The following PARVA variants were observed in gnomAD, a reference collection of about 807,000 sequenced individuals.
The protein encoded by PARVA is parvin alpha.
Under a neutral mutation model 52.6 loss-of-function variants are expected in PARVA, and 25 were observed. The ratio of observed to expected loss-of-function variants is 0.48; its 90% CI spans 0.35 to 0.66. The LOEUF (loss-of-function observed/expected upper bound fraction) is 0.66, where lower values mean the gene tolerates loss of function less well. Ranked by LOEUF, PARVA falls within the 30% of genes least tolerant of loss-of-function variation. The pLI is 0.01. For missense variants in PARVA, 373 were observed against 450.9 expected (o/e 0.83, Z 1.56); for synonymous variants, 185 against 179.1 (o/e 1.03, Z -0.26).
intron 1 of PARVA, among the ~76,000 whole-genome samples, chr11:12,442,005 G>A (rs1940473135): frequency 6.6e-6 from 1 of 152,232 alleles, no homozygotes; most frequent in Non-Finnish European, 1.5e-5. Flanking sequence ...AAGGATTGTG[G>A]GGTTAGAGAG....
intron 1 of PARVA, among the ~76,000 whole-genome samples, chr11:12,468,272 A>G (rs1940882764): frequency 6.6e-6 from 1 of 152,192 alleles, no homozygotes; most frequent in Non-Finnish European, 1.5e-5. Flanking sequence ...CCAAACCTGT[A>G]TCACCAGTGC....
At position 12,531,702 on chromosome 11, in the gene PARVA, A is replaced by G. The variant is rs1053088144; in HGVS notation, c.*3777A>G. 5.9e-5 allele frequency among the ~76,000 whole-genome samples: 9 copies of G among 151,552 alleles called. No homozygotes were observed. Among genetic ancestry groups the G allele is most frequent in the African/African-American group, 2.2e-4 (9 of 41,206 alleles). Reference sequence around the variant, plus strand: ...AATACATCCTAGATAGGCAAGAGGGATATGTCCTGAAATCTTCACTAATTC... The same window carrying G: ...AATACATCCTAGATAGGCAAGAGGGGTATGTCCTGAAATCTTCACTAATTC... On this transcript the variant is annotated 3_prime_UTR_variant, in exon 13 of 13. Transcript: ENST00000334956.
At position 12,403,339 on chromosome 11, in the gene PARVA, G is replaced by T. The variant is rs554456191; in HGVS notation, c.136+25556G>T. 1.1e-3 allele frequency among the ~76,000 whole-genome samples: 173 copies of T among 152,334 alleles called. 1 individual carries two copies. The highest frequency in any genetic ancestry group is 3.7e-3 in the African/African-American group (155 of 41,586). ...AGGTCACTAGGGTGGGGAGCAACAG[G>T]TACCCTGATTAGTCCCCTAGCAGGT... On this transcript the variant is annotated intron_variant, in intron 1 of 12. Transcript: ENST00000334956.
chr11:12,457,651 A>G (rs1940716551), intron 1 of PARVA, among the ~76,000 whole-genome samples: 1 of 152,232 alleles, frequency 6.6e-6, no homozygotes, highest in Non-Finnish European at 1.5e-5. Flanking sequence ...AAGACTGCTC[A>G]GGGCCAGCAT....
Position 12,530,810 on chromosome 11 carries a change from C to T in PARVA, c.*2885C>T, listed in dbSNP as rs1941763565. The T allele has an allele frequency of 1.3e-5, 2 of 152,092 alleles. No homozygotes were observed. The highest frequency in any genetic ancestry group is 2.9e-5 in the Non-Finnish European group (2 of 68,032). The allele number at this position is 152,092 out of a possible 1,614,324, so 9.4% of individuals were successfully genotyped here. ...ACATTTTAAAATAACAATCTGAGCACTTCATAAATCCAAATGCGTATCTCC... is the reference window on the plus strand; with the variant it reads ...ACATTTTAAAATAACAATCTGAGCATTTCATAAATCCAAATGCGTATCTCC... On this transcript the variant is annotated 3_prime_UTR_variant, in exon 13 of 13. Coordinates refer to ENST00000334956, the MANE Select transcript of PARVA (RefSeq NM_018222.5).
intron 4 of PARVA, chr11:12,480,487 A>G (rs560582755): frequency 3.3e-5 from 5 of 152,272 alleles, no homozygotes; most frequent in African/African-American, 4.8e-5. Flanking sequence ...GAAACTGCCA[A>G]AATGTTCTAT....
chr11:12,430,550 T>C (rs558398246), intron 1 of PARVA, among the ~76,000 whole-genome samples: 94 of 152,292 alleles, frequency 6.2e-4, no homozygotes, highest in African/African-American at 2.1e-3. Flanking sequence ...ACACAGAGGC[T>C]CCTTTCTTTC....
At chr11:12,490,334 A>T (rs1564860801) in intron 4 of PARVA, among the ~76,000 whole-genome samples, 2 of 151,864 alleles carry the variant, frequency 1.3e-5, no homozygotes, top group Non-Finnish European at 2.9e-5. Context: ...GACTAGCCTG[A>T]TCAACATGGT....
chr11:12,522,377 A>G (rs911961616), intron 12 of PARVA, among the ~76,000 whole-genome samples: 2 of 151,788 alleles, frequency 1.3e-5, no homozygotes, highest in African/African-American at 4.8e-5. Context: ...ATTTTGAAGC[A>G]CTGAAAACCT....
chr11:12,461,078 A>G (rs1014997335), intron 1 of PARVA, among the ~76,000 whole-genome samples: 1 of 152,124 alleles, frequency 6.6e-6, no homozygotes, highest in African/African-American at 2.4e-5. Context: ...CTTATCAGGT[A>G]CCTGGCACTG....
chr11:12,505,716 C>CTA (rs894240994), intron 6 of PARVA, among the ~76,000 whole-genome samples: 2 of 152,156 alleles, frequency 1.3e-5, no homozygotes, highest in Admixed American at 6.5e-5. Flanking sequence ...TTTATGTCTG[C>CTA]TATGGATATG....
At chr11:12,509,082 T>TTG (rs1941472179) in intron 7 of PARVA, among the ~76,000 whole-genome samples, 1 of 124,402 alleles carries the variant, frequency 8.0e-6, no homozygotes, top group South Asian at 2.6e-4. Context: ...GTGGTTTTTT[T>TTG]TTTTTTTTTT....
In PARVA at chr11:12,451,196, A is replaced by G. The variant is rs140057403; in HGVS notation, c.137-22549A>G. On this transcript the variant is annotated intron_variant, in intron 1 of 12. Transcript: ENST00000334956. ...TGCCCCATGAGAGGATCTGGTCCTT[A>G]TCACTATACAGGGTCCCCAAACTAG... 9.0e-3 allele frequency among the ~76,000 whole-genome samples: 1,377 copies of G among 152,248 alleles called. 26 individuals carry two copies. The highest frequency in any genetic ancestry group is 0.031 in the African/African-American group (1,294 of 41,534).
chr11:12,378,581 T>C (rs1939439980), intron 1 of PARVA, among the ~76,000 whole-genome samples: 2 of 151,446 alleles, frequency 1.3e-5, no homozygotes, highest in South Asian at 2.1e-4. Flanking sequence ...ATTCTTTTTT[T>C]TTTTTTTTTT....
chr11:12,400,645 C>G (rs1414778954), intron 1 of PARVA, among the ~76,000 whole-genome samples: 1 of 152,160 alleles, frequency 6.6e-6, no homozygotes, highest in Non-Finnish European at 1.5e-5. Flanking sequence ...ATTTCTTCAG[C>G]CTTATTAAAA....
intron 1 of PARVA, among the ~76,000 whole-genome samples, chr11:12,444,951 G>A (rs1046573341): frequency 6.6e-6 from 1 of 152,174 alleles, no homozygotes; most frequent in African/African-American, 2.4e-5. Context: ...GAGTTGAGAG[G>A]GCTTGTCGTA....
chr11:12,488,926 C>T (rs1941196791), intron 4 of PARVA, among the ~76,000 whole-genome samples: 1 of 152,054 alleles, frequency 6.6e-6, no homozygotes. Flanking sequence ...AATATGACCT[C>T]AAAATTAGAA....
At chr11:12,502,297 T>C (rs552180068) in intron 5 of PARVA, among the ~76,000 whole-genome samples, 12 of 152,336 alleles carry the variant, frequency 7.9e-5, no homozygotes, top group African/African-American at 2.2e-4. Flanking sequence ...TGAATCATTC[T>C]CTTTTCTTAG....
chr11:12,419,175 C>G (rs934862402), intron 1 of PARVA, among the ~76,000 whole-genome samples: 1 of 152,108 alleles, frequency 6.6e-6, no homozygotes. Context: ...GTGTACAGTT[C>G]AGTAGTATAA....
Sources: allele counts gnomAD v4.1 joint callset (sites outside exome capture counted in the v4.1 genomes callset), GRCh38; gene constraint gnomAD v4.1.1; transcripts MANE v1.5; gene names NCBI Gene and HGNC (gene_info 2026-07-23, HGNC 2026-07-21).